ZFPM1: variants seen among roughly 807,000 people sequenced by gnomAD.
ZFPM1 encodes zinc finger protein ZFPM1.
ZFPM1 carries 28 observed loss-of-function variants against 46.3 expected under a neutral mutation model. The ratio of observed to expected loss-of-function variants is 0.60; its 90% confidence interval spans 0.45 to 0.83. ZFPM1 has a LOEUF of 0.83. ZFPM1 is among the 40% of genes least tolerant of loss of function. The probability of loss-of-function intolerance (pLI) is 0.00; values close to 1 mark genes in which losing one functional copy is unlikely to be tolerated. For missense variants in ZFPM1, 1,878 were observed against 1,432.4 expected, an observed-to-expected ratio of 1.31 and a Z score of -5.02; for synonymous variants, 957 against 675.9, an observed-to-expected ratio of 1.42 and a Z score of -6.45.
intron 9 of ZFPM1, 100 bp downstream of exon 9, chr16:88,533,035 C>T: frequency 6.5e-7 from 1 of 1,530,424 alleles, no homozygotes; most frequent in East Asian, 2.4e-5. Context: ...CCGTTTCAGC[C>T]TTCGCTCTAA....
At position 88,536,404 on chromosome 16, in the gene ZFPM1, C is replaced by T. The variant is rs1913247578; in HGVS notation, c.*1425C>T. ...GCCCAAGATGGTCTCAAACTCCTGA[C>T]CTCCAGTGCTCCTGCAGCCTCAGCC... On this transcript the variant is annotated 3_prime_UTR_variant, in exon 10 of 10. Coordinates refer to ENST00000319555, the MANE Select transcript of ZFPM1 (RefSeq NM_153813.3). 1 of 152,292 alleles carries T rather than the reference C, an allele frequency of 6.6e-6. No homozygotes were observed. The highest frequency in any genetic ancestry group is 2.4e-5 in the African/African-American group (1 of 41,548). 9.4% of individuals were successfully genotyped at this position (152,292 alleles called of 1,614,324 possible).
Position 88,534,170 on chromosome 16 carries a change from G to C in ZFPM1, c.2212G>C (p.Val738Leu). The C allele has an allele frequency of 2.0e-6, 2 of 991,500 alleles. No individual in the cohort carries two copies. Among genetic ancestry groups the C allele is most frequent in the Non-Finnish European group, 2.4e-6 (2 of 837,800 alleles). 61.4% of individuals were successfully genotyped at this position (991,500 alleles called of 1,614,324 possible). A position where few individuals can be genotyped will look rare whatever the true frequency, so the allele number is the denominator to read the frequency against. ...CCCGGCCCCCTCTCCCGCCGCGCCT[G>C]TGCGCACGCGCAGACGCCGCAAGCT... ...APPAPSPAAP[V>L]RTRRRRKLYE... The change falls in exon 10 of 10, where the codon GTG (valine) becomes CTG (leucine). Residue 738 changes from valine to leucine, a missense_variant. Transcript: ENST00000319555.
chr16:88,467,799 T>C (rs1567528071), intron 1 of ZFPM1, among the ~76,000 whole-genome samples: 1 of 151,476 alleles, frequency 6.6e-6, no homozygotes, highest in East Asian at 1.9e-4. Flanking sequence ...GGGGGTGGGG[T>C]GTTTTCTACT....
At chr16:88,489,002 G>A in intron 2 of ZFPM1, 29 bp from the exon 3 acceptor site, 1 of 1,604,970 alleles carries the variant, frequency 6.2e-7, no homozygotes, top group Non-Finnish European at 8.5e-7. Context: ...GCACTCAGCA[G>A]GGATGTGACG....
intron 6 of ZFPM1, among the ~76,000 whole-genome samples, chr16:88,528,515 G>C (rs980436052): frequency 6.6e-6 from 1 of 152,226 alleles, no homozygotes; most frequent in Non-Finnish European, 1.5e-5. Flanking sequence ...CACCACACTA[G>C]AAGCCAGTGC....
At chr16:88,473,544 C>T (rs749665340) in intron 1 of ZFPM1, among the ~76,000 whole-genome samples, 9 of 152,178 alleles carry the variant, frequency 5.9e-5, no homozygotes, top group African/African-American at 1.9e-4. Flanking sequence ...CCCACTTCTC[C>T]CATGGCCGGG....
chr16:88,514,519 C>T lies in ZFPM1; in HGVS notation c.401C>T (p.Pro134Leu), dbSNP rs371338296. The T allele has an allele frequency of 7.6e-5, 118 of 1,557,012 alleles. No homozygotes were observed. Among genetic ancestry groups the T allele is most frequent in the Non-Finnish European group, 9.9e-5 (114 of 1,151,362 alleles). ...GCCTCATCCCCCAGGCAGGCGGAGC[C>T]GGTAAGAAGCCCCCATCCCCGCCCC... ...TRASSPRQAE[P>L]SPALTLLLVD... is the part of the protein sequence containing the mutation. The change falls in exon 4 of 10, where the codon CCG (proline) becomes CTG (leucine). Residue 134 changes from proline to leucine, a missense_variant and splice_region_variant. Pro to Leu is a moderately conservative substitution (Grantham distance 98). Coordinates refer to ENST00000319555, the MANE Select transcript of ZFPM1 (RefSeq NM_153813.3).
chr16:88,492,693 C>A (rs556483520), intron 3 of ZFPM1, among the ~76,000 whole-genome samples: 1 of 152,198 alleles, frequency 6.6e-6, no homozygotes, highest in South Asian at 2.1e-4. Context: ...ACGGTGTTAG[C>A]CCGGCGGAGA....
rs886296332 is a variant in ZFPM1 at position 88,471,264 on chromosome 16, A to C, written c.41-14675A>C. The stretch of plus-strand genomic sequence containing the variant: ...CAGCTGACCCTCCAGGGCTGCAGCC[A>C]TGTGTGACCTCCACCCTCGCGAAGG... On this transcript the variant is annotated intron_variant, in intron 1 of 9. Coordinates refer to ENST00000319555, the MANE Select transcript of ZFPM1 (RefSeq NM_153813.3). The surrounding 1 kb of genome is among the most constrained non-coding windows in gnomAD (Gnocchi z 4.1). Among the ~76,000 whole-genome samples, 1 of 152,206 alleles carries C rather than the reference A, an allele frequency of 6.6e-6. No individual in the cohort carries two copies. The highest frequency in any genetic ancestry group is 2.4e-5 in the African/African-American group (1 of 41,462).
In ZFPM1 at chr16:88,535,894, GT is replaced by G. The variant is rs1913228140; in HGVS notation, c.*916del. The G allele has an allele frequency of 6.9e-6, 1 of 144,188 alleles. No individual in the cohort carries two copies. The allele number at this position is 144,188 out of a possible 1,614,324, so 8.9% of individuals were successfully genotyped here. ...GTGTCACCGTGCCGTTTGCAGCTGG[GT>G]GGCTGTGGGCAGCCTCCAGCGTGCT... is the stretch of plus-strand genomic sequence containing the variant. On this transcript the variant is annotated 3_prime_UTR_variant, in exon 10 of 10. Coordinates refer to ENST00000319555, the MANE Select transcript of ZFPM1 (RefSeq NM_153813.3).
chr16:88,482,469 T>C (rs963358548), intron 1 of ZFPM1, among the ~76,000 whole-genome samples: 3 of 152,166 alleles, frequency 2.0e-5, no homozygotes, highest in Non-Finnish European at 2.9e-5. Flanking sequence ...TTCTCCACGC[T>C]CATCACCACG....
chr16:88,503,510 G>C (rs1910492224), intron 3 of ZFPM1, among the ~76,000 whole-genome samples: 1 of 150,750 alleles, frequency 6.6e-6, no homozygotes, highest in Non-Finnish European at 1.5e-5. Flanking sequence ...GGGCCGGCCT[G>C]TTCTGCCTCC....
At chr16:88,487,371 T>C (rs1909289158) in intron 2 of ZFPM1, among the ~76,000 whole-genome samples, 1 of 152,112 alleles carries the variant, frequency 6.6e-6, no homozygotes. Flanking sequence ...TTACCCCCAC[T>C]CCAACGTGGA....
rs535695577 is a variant in ZFPM1 at position 88,480,610 on chromosome 16, G to C, written c.41-5329G>C. ...GCCAGCATAGGCGCCTGTGTCCCCT[G>C]CAGGCACCCACTGGGGACTTAGGCT... On this transcript the variant is annotated intron_variant, in intron 1 of 9. Transcript: ENST00000319555. This position sits in a 1 kb window ranked among gnomAD's most constrained non-coding sequence, Gnocchi z 4.9. Among the ~76,000 whole-genome samples the C allele has an allele frequency of 5.3e-4, 80 of 152,244 alleles. No individual in the cohort carries two copies. The highest frequency in any genetic ancestry group is 9.3e-4 in the Non-Finnish European group (63 of 68,046).
At chr16:88,474,827 TG>T (rs1908601516) in intron 1 of ZFPM1, among the ~76,000 whole-genome samples, 1 of 152,244 alleles carries the variant, frequency 6.6e-6, no homozygotes. Context: ...AACCCGCATC[TG>T]GGGCCTCTCT....
intron 6 of ZFPM1, 76 bp from the exon 7 acceptor site, chr16:88,531,926 C>A (rs574658240): frequency 1.4e-6 from 2 of 1,432,776 alleles, no homozygotes; most frequent in African/African-American, 2.8e-5. Context: ...ACGGCCAGGC[C>A]CTGCCTCCGC....
chr16:88,453,774 G>T, intron 1 of ZFPM1, 96 bp downstream of exon 1: 1 of 767,188 alleles, frequency 1.3e-6, no homozygotes, highest in African/African-American at 1.9e-5. Flanking sequence ...CTCTGCCCTG[G>T]GCGCCGGCGA....
At chr16:88,526,452 C>CACAGATAA (rs975418176) in intron 4 of ZFPM1, among the ~76,000 whole-genome samples, 6 of 152,044 alleles carry the variant, frequency 3.9e-5, no homozygotes, top group Non-Finnish European at 8.8e-5. Flanking sequence ...GTGGGGAGAA[C>CACAGATAA]ACAGATACGC....
rs1286860743 is a variant in ZFPM1, at chr16:88,491,029, CA to C, written c.268+1877del. Among the ~76,000 whole-genome samples the C allele has an allele frequency of 1.5e-4, 22 of 149,692 alleles. No individual in the cohort carries two copies. The East Asian group carries it at 4.1e-3, about 28-fold the overall frequency. ...CGCTGGTGCCTTCGGGGCTCTCGGTCAGGCGCTGGTGCCTTCGGGGGTCTCG... is the reference window on the plus strand; with the variant it reads ...CGCTGGTGCCTTCGGGGCTCTCGGTCGGCGCTGGTGCCTTCGGGGGTCTCG... On this transcript the variant is annotated intron_variant, in intron 3 of 9. Coordinates refer to ENST00000319555, the MANE Select transcript of ZFPM1 (RefSeq NM_153813.3).
Sources: gnomAD v4.1 joint callset for allele counts (sites outside exome capture counted in the v4.1 genomes callset) on GRCh38, gnomAD v4.1.1 for gene constraint, Gnocchi (gnomAD v3.1) non-coding constraint, MANE v1.5 for transcripts, NCBI Gene and HGNC (gene_info 2026-07-23, HGNC 2026-07-21) for gene names.